Variants in IMMP2L observed in about 807,000 individuals in gnomAD.
IMMP2L encodes mitochondrial inner membrane protease subunit 2.
IMMP2L carries 18 observed loss-of-function variants against 19.3 expected under a neutral mutation model. That is an observed-to-expected ratio of 0.93 (90% confidence interval 0.64 to 1.38). The LOEUF is 1.38. Ranked by LOEUF, IMMP2L falls within the 40% of genes most tolerant of loss-of-function variation. IMMP2L has a pLI of 0.00. For missense variants in IMMP2L, 233 were observed against 218.2 expected, an observed-to-expected ratio of 1.07 and a Z score of -0.43; for synonymous variants, 76 against 73.0, an observed-to-expected ratio of 1.04 and a Z score of -0.21.
intron 3 of IMMP2L, among the ~76,000 whole-genome samples, chr7:111,437,691 A>G (rs1837318765): frequency 6.6e-6 from 1 of 151,890 alleles, no homozygotes; most frequent in Non-Finnish European, 1.5e-5. Context: ...AATGTATGGT[A>G]TCTATTTTTA....
chr7:110,805,895 A>G (rs1801599243), intron 5 of IMMP2L, among the ~76,000 whole-genome samples: 1 of 151,930 alleles, frequency 6.6e-6, no homozygotes, highest in African/African-American at 2.4e-5. Flanking sequence ...CAAGCACACA[A>G]TTTATACAAG....
chr7:111,353,217 A>C (rs1384390749), intron 3 of IMMP2L, among the ~76,000 whole-genome samples: 1 of 152,182 alleles, frequency 6.6e-6, no homozygotes, highest in African/African-American at 2.4e-5. Context: ...TGGAGAGTGA[A>C]GCACAAATCT....
intron 2 of IMMP2L, among the ~76,000 whole-genome samples, chr7:111,498,866 C>T (rs1843857631): frequency 6.6e-6 from 1 of 151,946 alleles, no homozygotes; most frequent in African/African-American, 2.4e-5. Context: ...CCCTAAATTA[C>T]ATTGATCAAA....
chr7:111,069,429 T>C (rs1794770571), intron 3 of IMMP2L, among the ~76,000 whole-genome samples: 1 of 152,138 alleles, frequency 6.6e-6, no homozygotes, highest in South Asian at 2.1e-4. Flanking sequence ...TGAAACTGAG[T>C]GAGTTTTTAA....
At position 110,668,594 on chromosome 7, in the gene IMMP2L, T is replaced by A. The variant is rs571714729; in HGVS notation, c.409-4873A>T. Among the ~76,000 whole-genome samples the A allele has an allele frequency of 2.6e-4, 40 of 152,320 alleles. No homozygotes were observed. The South Asian group carries it at 6.6e-3, about 25-fold the overall frequency. On this transcript the variant is annotated intron_variant, in intron 5 of 5. Transcript: ENST00000405709. The stretch of plus-strand genomic sequence containing the variant: ...TTGGGCATAGTGATTCAATTTTTTT[T>A]AAATCAACACTCATTTTACCAAAAC...
intron 3 of IMMP2L, among the ~76,000 whole-genome samples, chr7:111,051,617 A>G (rs761584782): frequency 1.8e-4 from 28 of 152,242 alleles, no homozygotes; most frequent in Non-Finnish European, 4.0e-4. Context: ...TATTTGAGAA[A>G]TGTCTACCTT....
chr7:110,940,679 T>G (rs189798244), intron 4 of IMMP2L, among the ~76,000 whole-genome samples: 1 of 152,312 alleles, frequency 6.6e-6, no homozygotes, highest in East Asian at 1.9e-4. Flanking sequence ...AGCTTTGATG[T>G]TCTGTCATCA....
chr7:111,300,966 T>C (rs1298620520), intron 3 of IMMP2L, among the ~76,000 whole-genome samples: 4 of 152,116 alleles, frequency 2.6e-5, no homozygotes, highest in African/African-American at 9.7e-5. Flanking sequence ...AAGAGTGCAA[T>C]TGCTGGGTCG....
intron 5 of IMMP2L, among the ~76,000 whole-genome samples, chr7:110,766,387 C>G (rs1282099342): frequency 6.6e-6 from 1 of 151,826 alleles, no homozygotes; most frequent in Non-Finnish European, 1.5e-5. Context: ...GGTCAGGAGT[C>G]GAAGACCAAC....
At chr7:111,349,339 A>G (rs965424531) in intron 3 of IMMP2L, among the ~76,000 whole-genome samples, 2 of 152,176 alleles carry the variant, frequency 1.3e-5, no homozygotes, top group Non-Finnish European at 2.9e-5. Context: ...ACCAAAATGC[A>G]TGAAACATTG....
At position 111,318,037 on chromosome 7, in the gene IMMP2L, A is replaced by G. The variant is rs1204981830; in HGVS notation, c.239+169201T>C. On this transcript the variant is annotated intron_variant, in intron 3 of 5. Transcript: ENST00000405709. Reference sequence around the variant, plus strand: ...TGGTAAATAAATATTAACAGAATATAACCACTTACTTATAATGCAATCCTT... The same window carrying G: ...TGGTAAATAAATATTAACAGAATATGACCACTTACTTATAATGCAATCCTT... Among the ~76,000 whole-genome samples, 7 of 152,182 alleles carry G rather than the reference A, an allele frequency of 4.6e-5. No homozygotes were observed. The East Asian group carries it at 1.3e-3, about 29-fold the overall frequency.
chr7:111,040,659 G>A (rs926358627), intron 3 of IMMP2L, among the ~76,000 whole-genome samples: 2 of 149,694 alleles, frequency 1.3e-5, no homozygotes, highest in Non-Finnish European at 3.0e-5. Context: ...AGTACTGACA[G>A]AATTAGAAAG....
intron 3 of IMMP2L, among the ~76,000 whole-genome samples, chr7:111,121,524 A>T (rs1586417521): frequency 6.6e-6 from 1 of 152,208 alleles, no homozygotes; most frequent in Non-Finnish European, 1.5e-5. Context: ...TCAAAACCAC[A>T]ATGAGATACC....
chr7:111,482,440 G>C (rs918951620), intron 3 of IMMP2L, among the ~76,000 whole-genome samples: 1 of 152,080 alleles, frequency 6.6e-6, no homozygotes, highest in African/African-American at 2.4e-5. Flanking sequence ...CTGTGATCCA[G>C]ATTAAGAGGA....
chr7:110,864,711 T>C (rs1807809254), intron 5 of IMMP2L, among the ~76,000 whole-genome samples: 1 of 152,090 alleles, frequency 6.6e-6, no homozygotes, highest in Non-Finnish European at 1.5e-5. Context: ...TACCTGTGTA[T>C]TGCCATATGC....
At chr7:111,285,107 A>G (rs1820344460) in intron 3 of IMMP2L, among the ~76,000 whole-genome samples, 1 of 152,124 alleles carries the variant, frequency 6.6e-6, no homozygotes, top group African/African-American at 2.4e-5. Flanking sequence ...GCATCACATA[A>G]TAAAGGCCTT....
At position 111,290,417 on chromosome 7, in the gene IMMP2L, T is replaced by G. The variant is rs540657484; in HGVS notation, c.239+196821A>C. On this transcript the variant is annotated intron_variant, in intron 3 of 5. Coordinates refer to ENST00000405709, the MANE Select transcript of IMMP2L (RefSeq NM_032549.4). ...TATACTTGGTAAATTCTGATCATAT[T>G]TGTATATTCGTTGGAATGTTTTAAA... Among the ~76,000 whole-genome samples the G allele has an allele frequency of 2.3e-4, 35 of 152,142 alleles. 1 individual carries two copies. The highest frequency in any genetic ancestry group is 2.0e-4 in the Admixed American group (3 of 15,262).
intron 5 of IMMP2L, among the ~76,000 whole-genome samples, chr7:110,801,721 A>G (rs1584873799): frequency 6.6e-6 from 1 of 152,248 alleles, no homozygotes; most frequent in Non-Finnish European, 1.5e-5. Context: ...TAACAGGGAC[A>G]TAAATGGAAA....
chr7:111,122,034 A>T (rs1298391925), intron 3 of IMMP2L, among the ~76,000 whole-genome samples: 2 of 144,550 alleles, frequency 1.4e-5, no homozygotes, highest in Non-Finnish European at 3.0e-5. Context: ...AACAATGAGA[A>T]CACATGGACA....
Sources: allele counts gnomAD v4.1 joint callset (sites outside exome capture counted in the v4.1 genomes callset), GRCh38; gene constraint gnomAD v4.1.1; transcripts MANE v1.5; gene names NCBI Gene and HGNC (gene_info 2026-07-23, HGNC 2026-07-21).